Variants in GBE1 observed in about 807,000 individuals in gnomAD.
GBE1 encodes 1,4-alpha-glucan-branching enzyme.
Under a neutral mutation model 88.8 loss-of-function variants are expected in GBE1, and 70 were observed. The observed-to-expected ratio is 0.79, with a 90% CI of 0.65 to 0.96. The LOEUF is 0.96. Ranked by LOEUF, GBE1 falls within the 40% of genes least tolerant of loss-of-function variation. The pLI is 0.00. For missense variants in GBE1, 872 were observed against 871.0 expected, an observed-to-expected ratio of 1.00 and a Z score of -0.01; for synonymous variants, 284 against 300.1, an observed-to-expected ratio of 0.95 and a Z score of 0.56.
chr3:81,731,986 T>C (rs554172704), intron 1 of GBE1, among the ~76,000 whole-genome samples: 1 of 152,156 alleles, frequency 6.6e-6, no homozygotes, highest in Non-Finnish European at 1.5e-5. Context: ...TTTCTAATTA[T>C]TATACAAAAA....
chr3:81,657,148 AC>A lies in GBE1; in HGVS notation c.430-7228del, dbSNP rs66626667. On this transcript the variant is annotated intron_variant, in intron 3 of 15. Coordinates refer to ENST00000429644, the MANE Select transcript of GBE1 (RefSeq NM_000158.4). ...TCCAGCCGTCTCAAAAAAAAAAAAAACAAAACAAAAAAAAACAATAAATTTG... is the reference window on the plus strand; with the variant it reads ...TCCAGCCGTCTCAAAAAAAAAAAAAAAAAACAAAAAAAAACAATAAATTTG... Among the ~76,000 whole-genome samples, 52 of 149,348 alleles carry A rather than the reference AC, an allele frequency of 3.5e-4. 3 individuals carry two copies. Among genetic ancestry groups the A allele is most frequent in the East Asian group, 2.0e-3 (10 of 5,066 alleles).
intron 3 of GBE1, among the ~76,000 whole-genome samples, chr3:81,653,475 GACCCTGT>G (rs1169016962): frequency 6.6e-6 from 1 of 151,524 alleles, no homozygotes; most frequent in Non-Finnish European, 1.5e-5. Flanking sequence ...AACAGAGAAA[GACCCTGT>G]CTACAAAAAA....
At chr3:81,540,740 CA>C (rs1358884416) in intron 12 of GBE1, among the ~76,000 whole-genome samples, 2 of 151,972 alleles carry the variant, frequency 1.3e-5, no homozygotes, top group Non-Finnish European at 2.9e-5. Context: ...TCTTAAAAGA[CA>C]GAATTGAAAA....
rs751906553 is a variant in GBE1, at chr3:81,646,478, G to T, written c.696C>A (p.Tyr232Ter). ...NVLPRIKGLGYNCIQLMAIME... is the reference protein window; with the variant it reads ...NVLPRIKGLG ...TGATTGCCATCAACTGAATGCAGTT[G>T]TATCCTATATAAGGCAATGGTCAAA... is the stretch of plus-strand genomic sequence containing the variant. The change falls in exon 6 of 16, where the codon TAC becomes TAA. Residue 232 changes from tyrosine to a stop codon, truncating the protein, a stop_gained. Transcript: ENST00000429644. LOFTEE classifies it high-confidence loss of function. 6.3e-7 allele frequency: 1 copy of T among 1,576,988 alleles called. No individual in the cohort carries two copies. Among genetic ancestry groups the T allele is most frequent in the Non-Finnish European group, 8.7e-7 (1 of 1,153,820 alleles).
chr3:81,646,410 C>T lies in GBE1; in HGVS notation c.764G>A (p.Ser255Asn), dbSNP rs1446261044. The T allele has an allele frequency of 6.2e-7, 1 of 1,601,604 alleles. No individual in the cohort carries two copies. Among genetic ancestry groups the T allele is most frequent in the Non-Finnish European group, 8.5e-7 (1 of 1,174,092 alleles). The change falls in exon 6 of 16, where the codon AGC becomes AAC. Residue 255 changes from serine (S) to asparagine (N), a missense_variant. Coordinates refer to ENST00000429644, the MANE Select transcript of GBE1 (RefSeq NM_000158.4). The part of the protein sequence containing the change: ...YYASFGYQIT[S>N]FFAASSRYGT... ...ATTTTACCTGGAAGCTGCAAAGAAG[C>T]TTGTGATTTGGTAACCAAAGCTGGC... is the stretch of plus-strand genomic sequence containing the variant.
intron 6 of GBE1, among the ~76,000 whole-genome samples, chr3:81,643,346 G>T (rs971357023): frequency 2.0e-5 from 3 of 152,066 alleles, no homozygotes; most frequent in African/African-American, 7.2e-5. Context: ...TACTTACAGG[G>T]TGTACATTTG....
At chr3:81,630,370 G>A (rs1439397728) in intron 7 of GBE1, among the ~76,000 whole-genome samples, 2 of 152,028 alleles carry the variant, frequency 1.3e-5, no homozygotes, top group African/African-American at 2.4e-5. Context: ...TCCCCATCAA[G>A]CTACCAATGT....
intron 12 of GBE1, among the ~76,000 whole-genome samples, chr3:81,552,430 T>A (rs1206965049): frequency 6.8e-6 from 1 of 146,100 alleles, no homozygotes; most frequent in Admixed American, 7.2e-5. Context: ...GGCAGGAAAA[T>A]TGCTTGAACC....
intron 12 of GBE1, among the ~76,000 whole-genome samples, chr3:81,549,030 C>CTT (rs150990059): frequency 1.5e-4 from 17 of 114,266 alleles, no homozygotes; most frequent in African/African-American, 3.7e-4. Flanking sequence ...TGTGAGTATT[C>CTT]TTTTTTTTTT....
intron 15 of GBE1, 96 bp from the exon 16 acceptor site, chr3:81,490,559 G>A: frequency 1.0e-6 from 1 of 969,420 alleles, no homozygotes; most frequent in Non-Finnish European, 1.6e-6. Flanking sequence ...TCTCACATCT[G>A]CCTAAAGTTA....
chr3:81,634,997 C>T (rs1224060950), intron 7 of GBE1, among the ~76,000 whole-genome samples: 2 of 152,124 alleles, frequency 1.3e-5, no homozygotes, highest in Non-Finnish European at 2.9e-5. Flanking sequence ...GACAGCTCAT[C>T]GGCCTCCTTC....
intron 14 of GBE1, among the ~76,000 whole-genome samples, chr3:81,519,883 T>C (rs2106844309): frequency 6.6e-6 from 1 of 151,648 alleles, no homozygotes; most frequent in Admixed American, 6.6e-5. Flanking sequence ...CAAGTCTGTA[T>C]GTAATTTTCT....
chr3:81,713,558 A>C (rs1438864439), intron 1 of GBE1, among the ~76,000 whole-genome samples: 1 of 152,228 alleles, frequency 6.6e-6, no homozygotes, highest in Non-Finnish European at 1.5e-5. Context: ...TCCATAAATT[A>C]ATAAAGTATT....
chr3:81,533,761 T>C (rs1202397618), intron 14 of GBE1, among the ~76,000 whole-genome samples: 1 of 152,060 alleles, frequency 6.6e-6, no homozygotes, highest in Non-Finnish European at 1.5e-5. Flanking sequence ...GAAAGAAATT[T>C]TGCTAAAGAA....
At chr3:81,530,263 C>T (rs1268039972) in intron 14 of GBE1, among the ~76,000 whole-genome samples, 2 of 151,054 alleles carry the variant, frequency 1.3e-5, no homozygotes, top group Non-Finnish European at 3.0e-5. Context: ...CTCAAAATTG[C>T]TATTTCATTT....
chr3:81,746,126 A>C (rs181232224), intron 1 of GBE1, among the ~76,000 whole-genome samples: 23 of 152,364 alleles, frequency 1.5e-4, no homozygotes, highest in Non-Finnish European at 3.1e-4. Flanking sequence ...AAAATGAATG[A>C]AACTTATTTT....
rs1239241572 is a variant in GBE1, at chr3:81,733,141, A to G, written c.144-27528T>C. 6.6e-6 allele frequency among the ~76,000 whole-genome samples: 1 copy of G among 152,110 alleles called. No homozygotes were observed. The highest frequency in any genetic ancestry group is 1.5e-5 in the Non-Finnish European group (1 of 68,012). ...CTGCCTGAGCTCCACCTCCTGTCAG[A>G]TCAGCGGTGGCATTAGATTCCCATA... is the stretch of plus-strand genomic sequence containing the variant. On this transcript the variant is annotated intron_variant, in intron 1 of 15. Transcript: ENST00000429644. The surrounding 1 kb of genome is among the most constrained non-coding windows in gnomAD (Gnocchi z 4.0).
intron 14 of GBE1, among the ~76,000 whole-genome samples, chr3:81,514,655 T>C (rs1171448654): frequency 6.6e-6 from 1 of 151,604 alleles, no homozygotes; most frequent in Non-Finnish European, 1.5e-5. Context: ...CTTTCAAAAA[T>C]GCTTAGGAGC....
chr3:81,652,384 G>A (rs1285823264), intron 3 of GBE1, among the ~76,000 whole-genome samples: 2 of 152,224 alleles, frequency 1.3e-5, no homozygotes, highest in Non-Finnish European at 2.9e-5. Flanking sequence ...TCAAATCACA[G>A]ACTTGACAAA....
Sources: allele counts gnomAD v4.1 joint callset (sites outside exome capture counted in the v4.1 genomes callset), GRCh38; gene constraint gnomAD v4.1.1; non-coding constraint Gnocchi (gnomAD v3.1); transcripts MANE v1.5; gene names NCBI Gene and HGNC (gene_info 2026-07-23, HGNC 2026-07-21).